CD36: variants seen among roughly 807,000 people sequenced by gnomAD.
CD36 encodes the protein platelet glycoprotein 4.
Under a neutral mutation model 55.2 loss-of-function variants are expected in CD36, and 119 were observed. The observed-to-expected ratio is 2.15, with a 90% confidence interval of 1.86 to 2.51. The LOEUF (loss-of-function observed/expected upper bound fraction) is 2.51. CD36 is among the 30% of genes most tolerant of loss of function. The pLI, the probability that CD36 is intolerant of heterozygous loss-of-function variation, is 0.00. For synonymous variants in CD36, 186 were observed against 193.6 expected (o/e 0.96, Z 0.33); for missense variants, 819 against 555.5 (o/e 1.47, Z -4.77).
At chr7:80,660,120 C>T (rs1446241733) in intron 4 of CD36, among the ~76,000 whole-genome samples, 1 of 152,144 alleles carries the variant, frequency 6.6e-6, no homozygotes, top group African/African-American at 2.4e-5. Flanking sequence ...ACTCACTTCA[C>T]AGGCATTCAA....
In CD36 at chr7:80,663,873, A is replaced by C. The variant is rs17154233; in HGVS notation, c.610-533A>C. Among the ~76,000 whole-genome samples the C allele has an allele frequency of 0.013, 1,940 of 152,246 alleles. 103 individuals are homozygous for C. In the East Asian group the frequency reaches 0.14, roughly 11 times the overall value. On this transcript the variant is annotated intron_variant, in intron 6 of 14. Transcript: ENST00000447544. The stretch of plus-strand genomic sequence containing the variant: ...TGTTTTACTTTTAGATACTGTTAGG[A>C]TTACAAGGTTATATATCAATTATAA...
intron 12 of CD36, 160 bp from the exon 13 acceptor site, chr7:80,673,195 G>A: frequency 3.8e-6 from 2 of 526,208 alleles, no homozygotes; most frequent in Admixed American, 3.5e-5. Context: ...ACATATAAGA[G>A]CAAAGGAAGT....
At chr7:80,671,797 C>A in intron 10 of CD36, 125 bp from the exon 11 acceptor site, 1 of 780,934 alleles carries the variant, frequency 1.3e-6, no homozygotes, top group South Asian at 1.5e-5. Context: ...AATTCTTCCC[C>A]ACCCATGTTA....
intron 3 of CD36, among the ~76,000 whole-genome samples, chr7:80,653,302 C>T (rs543044964): frequency 1.6e-4 from 25 of 152,272 alleles, no homozygotes; most frequent in East Asian, 3.9e-4. Flanking sequence ...CTACTCCATG[C>T]GTAGCAAAGT....
chr7:80,650,812 A>T (rs914930175), intron 3 of CD36, among the ~76,000 whole-genome samples: 1 of 151,398 alleles, frequency 6.6e-6, no homozygotes, highest in African/African-American at 2.4e-5. Context: ...TTTTCAAGGG[A>T]TGTCTCTGGT....
chr7:80,610,906 C>G (rs1235982450), intron 1 of CD36, among the ~76,000 whole-genome samples: 1 of 131,640 alleles, frequency 7.6e-6, no homozygotes, highest in African/African-American at 3.8e-5. Flanking sequence ...AGGGTCTGCT[C>G]TCTCTGTCAG....
rs773314523 is a variant in CD36 at position 80,661,208 on chromosome 7, G to T, written c.427G>T (p.Ala143Ser). The change falls in exon 5 of 15, where the codon GCA becomes TCA. Residue 143 changes from alanine to serine, a missense_variant and splice_region_variant. Coordinates refer to ENST00000447544, the MANE Select transcript of CD36 (RefSeq NM_001001548.3). ...DNFTVLNLAV[A>S]AASHIYQNQF... ...CTTCACAGTTCTCAATCTGGCTGTG[G>T]CAGTGAGTAGACAAACAACAAAGTT... 10 of 1,613,524 alleles carry T rather than the reference G, an allele frequency of 6.2e-6. No homozygotes were observed. The African/African-American group carries it at 1.2e-4, about 19-fold the overall frequency.
intron 1 of CD36, among the ~76,000 whole-genome samples, chr7:80,631,435 G>T (rs1794067483): frequency 6.6e-6 from 1 of 152,016 alleles, no homozygotes; most frequent in Non-Finnish European, 1.5e-5. Flanking sequence ...TTTAAATGCT[G>T]CTACTTAAGT....
Position 80,672,769 on chromosome 7 carries a change from G to T in CD36, c.1126-1G>T. 1 of 1,601,940 alleles carries T rather than the reference G, an allele frequency of 6.2e-7. No homozygotes were observed. The highest frequency in any genetic ancestry group is 1.1e-5 in the South Asian group (1 of 90,596). ...TAATTATTTAGTTGTTCTCTTTTTAGATAACTGGATTCACTTTACAATTTG... is the reference window on the plus strand; with the variant it reads ...TAATTATTTAGTTGTTCTCTTTTTATATAACTGGATTCACTTTACAATTTG... On this transcript the variant is annotated splice_acceptor_variant, in intron 11 of 14. Coordinates refer to ENST00000447544, the MANE Select transcript of CD36 (RefSeq NM_001001548.3). LOFTEE classifies it high-confidence loss of function.
intron 4 of CD36, among the ~76,000 whole-genome samples, chr7:80,657,348 A>G (rs1796172060): frequency 6.6e-6 from 1 of 152,204 alleles, no homozygotes; most frequent in South Asian, 2.1e-4. Flanking sequence ...TTTATATTCA[A>G]ATTAACTTCT....
chr7:80,626,562 A>G lies in CD36; in HGVS notation c.-183-19526A>G, dbSNP rs146153903. Among the ~76,000 whole-genome samples, 1,053 of 152,124 alleles carry G rather than the reference A, an allele frequency of 6.9e-3. 13 individuals carry two copies. Among genetic ancestry groups the G allele is most frequent in the African/African-American group, 0.024 (991 of 41,532 alleles). ...AATTTAGCTTTAATACTTCTATCCA[A>G]TTAATAGATAAATTTATGTATGTAT... On this transcript the variant is annotated intron_variant, in intron 1 of 13. Coordinates refer to the CD36 transcript ENST00000309881.
At chr7:80,628,792 A>G (rs1244407845) in intron 1 of CD36, among the ~76,000 whole-genome samples, 2 of 152,038 alleles carry the variant, frequency 1.3e-5, no homozygotes, top group Non-Finnish European at 2.9e-5. Flanking sequence ...ATCAATCAAC[A>G]TATGTAAGAT....
intron 1 of CD36, among the ~76,000 whole-genome samples, chr7:80,628,033 G>A (rs529922855): frequency 6.6e-6 from 1 of 152,036 alleles, no homozygotes; most frequent in East Asian, 1.9e-4. Context: ...TTACATGCAT[G>A]ATGTCTATTA....
At chr7:80,604,456 G>A (rs190915077) in intron 1 of CD36, among the ~76,000 whole-genome samples, 7 of 135,590 alleles carry the variant, frequency 5.2e-5, no homozygotes, top group Admixed American at 1.7e-4. Flanking sequence ...AGGGTAAAGT[G>A]AATTCTGATT....
At chr7:80,637,908 C>CT (rs3044686), upstream of CD36, among the ~76,000 whole-genome samples, 1,536 of 145,008 alleles carry the variant, frequency 0.011, 65 homozygotes, top group East Asian at 0.11. Flanking sequence ...CAACATAATG[C>CT]TTTTTTTTTT....
chr7:80,624,171 C>T (rs1459963127), intron 1 of CD36: 1 of 152,172 alleles, frequency 6.6e-6, no homozygotes, highest in Non-Finnish European at 1.5e-5. Flanking sequence ...GCCTTGTGCT[C>T]TTTCATCGGA....
intron 8 of CD36, among the ~76,000 whole-genome samples, chr7:80,668,760 A>G (rs1797366732): frequency 6.6e-6 from 1 of 152,342 alleles, no homozygotes; most frequent in South Asian, 2.1e-4. Context: ...AGTGTAAACT[A>G]ATGAAAACAA....
chr7:80,673,611 G>A (rs1797947484), intron 13 of CD36: 1 of 567,824 alleles, frequency 1.8e-6, no homozygotes, highest in East Asian at 2.9e-5. Context: ...CTTCAAAAAT[G>A]CATCTATTAA....
chr7:80,630,562 A>G (rs963166151), intron 1 of CD36, among the ~76,000 whole-genome samples: 4 of 152,116 alleles, frequency 2.6e-5, no homozygotes, highest in African/African-American at 9.7e-5. Context: ...GCTTCTCTAT[A>G]GCATGGGAAG....
Sources: gnomAD v4.1 joint callset for allele counts (sites outside exome capture counted in the v4.1 genomes callset) on GRCh38, gnomAD v4.1.1 for gene constraint, MANE v1.5 for transcripts, NCBI Gene and HGNC (gene_info 2026-07-23, HGNC 2026-07-21) for gene names.